SORCS3: variants seen among roughly 807,000 people sequenced by gnomAD.
The protein encoded by SORCS3 is sortilin related VPS10 domain containing receptor 3.
Under a neutral mutation model 146.3 loss-of-function variants are expected in SORCS3, and 57 were observed. The ratio of observed to expected loss-of-function variants is 0.39; its 90% confidence interval spans 0.31 to 0.49. The LOEUF (loss-of-function observed/expected upper bound fraction) is 0.49. Among genes scored for constraint, SORCS3 ranks in the 20% least tolerant of loss-of-function variants. The pLI is 0.92. For synonymous variants in SORCS3, 653 were observed against 618.5 expected (o/e 1.06, Z -0.83); for missense variants, 1,341 against 1,575.5 (o/e 0.85, Z 2.52).
intron 1 of SORCS3, among the ~76,000 whole-genome samples, chr10:104,688,630 T>A (rs2016077571): frequency 6.6e-6 from 1 of 152,200 alleles, no homozygotes; most frequent in Non-Finnish European, 1.5e-5. Context: ...TTCTTGTTCT[T>A]TTTCTCTACT....
intron 6 of SORCS3, among the ~76,000 whole-genome samples, chr10:105,096,101 A>AATACACACAC (rs1262783013): frequency 9.2e-6 from 1 of 108,622 alleles, no homozygotes; most frequent in Non-Finnish European, 1.9e-5. Flanking sequence ...TCACCTCACA[A>AATACACACAC]ATACACACAC....
At chr10:105,138,036 A>G (rs971035055) in intron 7 of SORCS3, among the ~76,000 whole-genome samples, 8 of 152,230 alleles carry the variant, frequency 5.3e-5, no homozygotes, top group African/African-American at 1.7e-4. Context: ...CCAACACACA[A>G]CAATATAGAT....
chr10:104,855,608 G>C (rs1428407572), intron 2 of SORCS3, among the ~76,000 whole-genome samples: 1 of 152,114 alleles, frequency 6.6e-6, no homozygotes, highest in Non-Finnish European at 1.5e-5. Context: ...TTTAATTTCA[G>C]TTTTCACATA....
intron 5 of SORCS3, among the ~76,000 whole-genome samples, chr10:105,059,210 C>A (rs11192300): frequency 1.3e-5 from 2 of 152,124 alleles, no homozygotes; most frequent in Non-Finnish European, 2.9e-5. Flanking sequence ...TTATCAAAAA[C>A]CCCCTCTTTT....
intron 26 of SORCS3, among the ~76,000 whole-genome samples, chr10:105,262,903 C>T (rs971895952): frequency 4.6e-5 from 7 of 152,116 alleles, no homozygotes; most frequent in Non-Finnish European, 1.0e-4. Flanking sequence ...AATTCCTGAT[C>T]GGTGAAATGG....
In SORCS3 at chr10:105,113,216, CT is replaced by C. The variant is rs552902396; in HGVS notation, c.1212+7705del. On this transcript the variant is annotated intron_variant, in intron 7 of 26. Coordinates refer to ENST00000369701, the MANE Select transcript of SORCS3 (RefSeq NM_014978.3). ...TTGGCTGCATTGGTCAAAGGTGAGG[CT>C]TTTCCATGTGTGGACAGCTGAACCG... Among the ~76,000 whole-genome samples, 247 of 152,262 alleles carry C rather than the reference CT, an allele frequency of 1.6e-3. 1 individual carries two copies. Among genetic ancestry groups the C allele is most frequent in the African/African-American group, 5.8e-3 (239 of 41,546 alleles).
chr10:104,998,691 CT>C (rs2133670015), intron 4 of SORCS3, among the ~76,000 whole-genome samples: 1 of 152,218 alleles, frequency 6.6e-6, no homozygotes, highest in East Asian at 1.9e-4. Context: ...AGATTCAGAA[CT>C]AGAAAGGCCA....
At chr10:104,725,565 C>T (rs542468895) in intron 1 of SORCS3, among the ~76,000 whole-genome samples, 1 of 152,244 alleles carries the variant, frequency 6.6e-6, no homozygotes, top group Admixed American at 6.5e-5. Flanking sequence ...CTATGCCCTG[C>T]CCCTAGAGGT....
chr10:104,736,215 T>G (rs2016769615), intron 1 of SORCS3, among the ~76,000 whole-genome samples: 1 of 152,206 alleles, frequency 6.6e-6, no homozygotes, highest in Non-Finnish European at 1.5e-5. Context: ...GTGTCATTCC[T>G]GAACTTGGCC....
rs1025987848 is a variant in SORCS3, at chr10:105,247,235, G to A, written c.3009G>A (p.Gln1003=). 6.2e-7 allele frequency: 1 copy of A among 1,601,718 alleles called. No individual in the cohort carries two copies. Among genetic ancestry groups the A allele is most frequent in the Non-Finnish European group, 8.5e-7 (1 of 1,170,760 alleles). The stretch of plus-strand genomic sequence containing the variant: ...TCCCTGCAGAATATTTCCAGTCCCA[G>A]CTTTTATCATTCTCTCCTAATCTGG... ...EIAVHEYFQS[Q]LLSFSPNLDY... is the part of the protein sequence containing the mutation. Residue 1003 remains glutamine (Q), a synonymous_variant, in exon 22 of 27, where the codon CAG becomes CAA. Coordinates refer to ENST00000369701, the MANE Select transcript of SORCS3 (RefSeq NM_014978.3).
chr10:105,148,266 GT>G (rs762527442), intron 9 of SORCS3, among the ~76,000 whole-genome samples: 7 of 152,050 alleles, frequency 4.6e-5, no homozygotes, highest in African/African-American at 7.2e-5. Flanking sequence ...GGGAATGAGA[GT>G]TTTTCTAAGA....
chr10:105,026,849 C>A (rs2055235261), intron 4 of SORCS3, among the ~76,000 whole-genome samples: 1 of 152,166 alleles, frequency 6.6e-6, no homozygotes, highest in Admixed American at 6.5e-5. Flanking sequence ...GGAAGGGGAC[C>A]AAGGGGTGAA....
chr10:104,910,849 C>A (rs981378228), intron 2 of SORCS3, among the ~76,000 whole-genome samples: 3 of 152,260 alleles, frequency 2.0e-5, no homozygotes, highest in Non-Finnish European at 4.4e-5. Flanking sequence ...TGACCTCATG[C>A]GCCACCTTCC....
chr10:105,183,087 C>T (rs2119573191), intron 14 of SORCS3, among the ~76,000 whole-genome samples: 1 of 152,180 alleles, frequency 6.6e-6, no homozygotes, highest in South Asian at 2.1e-4. Context: ...CATGGCTATA[C>T]AGAAAAGAGG....
intron 3 of SORCS3, among the ~76,000 whole-genome samples, chr10:104,962,879 G>A (rs1476408937): frequency 6.6e-6 from 1 of 152,170 alleles, no homozygotes; most frequent in East Asian, 1.9e-4. Flanking sequence ...ATCTACTATG[G>A]ATAAGTACAG....
intron 4 of SORCS3, among the ~76,000 whole-genome samples, chr10:105,018,250 C>T (rs992546267): frequency 1.4e-4 from 22 of 152,226 alleles, no homozygotes; most frequent in African/African-American, 5.3e-4. Context: ...CTATCAACTC[C>T]ATGCTTCTGT....
chr10:104,650,456 G>C (rs1260087418), intron 1 of SORCS3, among the ~76,000 whole-genome samples: 3 of 152,148 alleles, frequency 2.0e-5, no homozygotes, highest in African/African-American at 7.2e-5. Flanking sequence ...AATCCTGGGG[G>C]GGGCTGATCA....
At chr10:104,729,248 G>T (rs550872363) in intron 1 of SORCS3, among the ~76,000 whole-genome samples, 16 of 152,302 alleles carry the variant, frequency 1.1e-4, no homozygotes, top group African/African-American at 3.9e-4. Flanking sequence ...TGGTACACGT[G>T]TATATCCTAC....
At chr10:104,944,329 T>G (rs1188114723) in intron 3 of SORCS3, among the ~76,000 whole-genome samples, 2 of 152,204 alleles carry the variant, frequency 1.3e-5, no homozygotes, top group African/African-American at 4.8e-5. Context: ...TATAGGCTTC[T>G]AAAAAATTTT....
Sources: allele counts gnomAD v4.1 joint callset (sites outside exome capture counted in the v4.1 genomes callset), GRCh38; gene constraint gnomAD v4.1.1; transcripts MANE v1.5; gene names NCBI Gene and HGNC (gene_info 2026-07-23, HGNC 2026-07-21).